The following RASGRF2 variants were observed in gnomAD, a reference collection of about 807,000 sequenced individuals.
RASGRF2 encodes the protein ras-specific guanine nucleotide-releasing factor 2.
RASGRF2 carries 76 observed loss-of-function variants against 151.0 expected under a neutral mutation model. The ratio of observed to expected loss-of-function variants is 0.50; its 90% CI spans 0.42 to 0.61. RASGRF2 has a LOEUF of 0.61. Ranked by LOEUF, RASGRF2 falls within the 20% of genes least tolerant of loss-of-function variation. The probability of loss-of-function intolerance (pLI) is 0.00; values close to 1 mark genes in which losing one functional copy is unlikely to be tolerated. For missense variants in RASGRF2, 1,148 were observed against 1,564.6 expected, an observed-to-expected ratio of 0.73 and a Z score of 4.49; for synonymous variants, 504 against 566.5, an observed-to-expected ratio of 0.89 and a Z score of 1.57.
chr5:81,112,540 T>C (rs1365038089), intron 13 of RASGRF2, 70 bp from the exon 14 acceptor site: 25 of 1,594,300 alleles, frequency 1.6e-5, no homozygotes, highest in Non-Finnish European at 2.6e-6. Context: ...TTACAAACGC[T>C]GAAATATTCA....
At chr5:81,122,822 A>G (rs1470022454) in intron 15 of RASGRF2, among the ~76,000 whole-genome samples, 1 of 152,234 alleles carries the variant, frequency 6.6e-6, no homozygotes, top group Non-Finnish European at 1.5e-5. Context: ...AAACATCATT[A>G]GTAATGGCCT....
intron 5 of RASGRF2, 74 bp downstream of exon 5, chr5:81,073,526 T>G: frequency 2.1e-6 from 3 of 1,450,422 alleles, no homozygotes; most frequent in Non-Finnish European, 2.8e-6. Context: ...TTACTTAATC[T>G]TTAAAAGGGT....
chr5:81,191,671 G>GA (rs11392033), intron 18 of RASGRF2, among the ~76,000 whole-genome samples: 86,057 of 151,178 alleles, frequency 0.57, 24,813 homozygotes, highest in Middle Eastern at 0.77. Context: ...CACAGCATCT[G>GA]AAAAAAAAAT....
At chr5:81,093,050 A>G in intron 10 of RASGRF2, 89 bp downstream of exon 10, 1 of 1,342,492 alleles carries the variant, frequency 7.4e-7, no homozygotes, top group South Asian at 1.4e-5. Flanking sequence ...CATGCTTGGT[A>G]TTATCATAAA....
intron 1 of RASGRF2, among the ~76,000 whole-genome samples, chr5:80,989,779 C>T (rs77715809): frequency 4.1e-4 from 63 of 152,286 alleles, no homozygotes; most frequent in Admixed American, 7.8e-4. Flanking sequence ...CTATGATGGT[C>T]ATTGTAACAC....
At chr5:81,079,991 A>G (rs1752041041) in intron 5 of RASGRF2, 130 bp from the exon 6 acceptor site, 1 of 1,180,136 alleles carries the variant, frequency 8.5e-7, no homozygotes, top group African/African-American at 1.6e-5. Context: ...CCATGTTATT[A>G]TTGGGTATAG....
intron 5 of RASGRF2, among the ~76,000 whole-genome samples, chr5:81,077,607 G>C (rs1175223986): frequency 6.6e-6 from 1 of 152,228 alleles, no homozygotes; most frequent in African/African-American, 2.4e-5. Context: ...CCTCTCAAGT[G>C]TGTGGGACAT....
intron 18 of RASGRF2, among the ~76,000 whole-genome samples, chr5:81,186,706 C>CT (rs940785938): frequency 4.0e-4 from 61 of 152,314 alleles, no homozygotes; most frequent in African/African-American, 1.4e-3. Flanking sequence ...CAACCACACT[C>CT]TAGTCACTCA....
chr5:80,993,002 C>T (rs1234368537), intron 1 of RASGRF2, among the ~76,000 whole-genome samples: 1 of 152,150 alleles, frequency 6.6e-6, no homozygotes, highest in Non-Finnish European at 1.5e-5. Flanking sequence ...GAAAGAAACA[C>T]CTCATAAAAG....
chr5:81,200,287 A>G lies in RASGRF2; in HGVS notation c.2794-1043A>G, dbSNP rs562828855. 3.8e-3 allele frequency among the ~76,000 whole-genome samples: 580 copies of G among 152,128 alleles called. 1 individual carries two copies. Among genetic ancestry groups the G allele is most frequent in the Non-Finnish European group, 6.6e-3 (449 of 67,964 alleles). On this transcript the variant is annotated intron_variant, in intron 18 of 26. Transcript: ENST00000265080. Reference sequence around the variant, plus strand: ...CCCTGTGATTTAAAAAAAAAAAAAAAAAGAAGAAGAATAGTTTTATTTTCT... The same window carrying G: ...CCCTGTGATTTAAAAAAAAAAAAAAGAAGAAGAAGAATAGTTTTATTTTCT...
chr5:81,093,190 T>C (rs1752441276), intron 10 of RASGRF2, among the ~76,000 whole-genome samples: 2 of 152,198 alleles, frequency 1.3e-5, no homozygotes, highest in Non-Finnish European at 2.9e-5. Flanking sequence ...AGAAATACAA[T>C]TAAAATCGTA....
intron 18 of RASGRF2, among the ~76,000 whole-genome samples, chr5:81,187,081 C>T (rs1169291605): frequency 6.6e-6 from 1 of 152,222 alleles, no homozygotes; most frequent in East Asian, 1.9e-4. Flanking sequence ...AAAGCGGCAT[C>T]TGGTCCAAAC....
chr5:81,018,257 G>A (rs1380420110), intron 1 of RASGRF2, among the ~76,000 whole-genome samples: 1 of 152,208 alleles, frequency 6.6e-6, no homozygotes, highest in African/African-American at 2.4e-5. Context: ...TAAGAAGTAT[G>A]AAGGAGTAGA....
intron 10 of RASGRF2, 85 bp downstream of exon 10, chr5:81,093,046 T>G (rs1202233163): frequency 7.3e-7 from 1 of 1,361,240 alleles, no homozygotes; most frequent in East Asian, 2.3e-5. Flanking sequence ...TTCCCATGCT[T>G]GGTATTATCA....
At chr5:81,016,398 C>T (rs533308) in intron 1 of RASGRF2, among the ~76,000 whole-genome samples, 124,140 of 152,144 alleles carry the variant, frequency 0.82, 51,090 homozygotes, top group Middle Eastern at 0.93. Context: ...ATGATAGGCT[C>T]TCAGAGATTT....
At chr5:81,106,120 A>G (rs915361257) in intron 12 of RASGRF2, among the ~76,000 whole-genome samples, 8 of 152,206 alleles carry the variant, frequency 5.3e-5, no homozygotes, top group Non-Finnish European at 8.8e-5. Flanking sequence ...GGGTGATTCG[A>G]AAGACATTTG....
At position 81,165,749 on chromosome 5, in the gene RASGRF2, T is replaced by A. The variant is rs1036675504; in HGVS notation, c.2687-14426T>A. On this transcript the variant is annotated intron_variant, in intron 17 of 26. Transcript: ENST00000265080. ...CTGCTCGTGCCAAAGCTTTGACTCA[T>A]CTCCAGAGGTGTTTCTGTGATGCCC... 2.0e-5 allele frequency among the ~76,000 whole-genome samples: 3 copies of A among 152,146 alleles called. No homozygotes were observed. The East Asian group carries it at 5.8e-4, about 29-fold the overall frequency.
chr5:81,081,076 C>T (rs747711415), intron 7 of RASGRF2, among the ~76,000 whole-genome samples: 18 of 152,134 alleles, frequency 1.2e-4, no homozygotes, highest in Non-Finnish European at 2.2e-4. Context: ...CCACACAGAC[C>T]TCTTTCATGG....
intron 1 of RASGRF2, among the ~76,000 whole-genome samples, chr5:80,973,178 A>T (rs1747995880): frequency 6.6e-6 from 1 of 152,192 alleles, no homozygotes; most frequent in African/African-American, 2.4e-5. Context: ...TGCTGCTCTG[A>T]TAGATCAAAT....
Sources: allele counts gnomAD v4.1 joint callset (sites outside exome capture counted in the v4.1 genomes callset), GRCh38; gene constraint gnomAD v4.1.1; transcripts MANE v1.5; gene names NCBI Gene and HGNC (gene_info 2026-07-23, HGNC 2026-07-21).